The following ARHGAP10 variants were observed in gnomAD, a reference collection of about 807,000 sequenced individuals.
ARHGAP10 encodes rho GTPase-activating protein 10.
A neutral mutation model predicts 108.6 loss-of-function variants in ARHGAP10; 87 were observed. The observed-to-expected ratio is 0.80, with a 90% CI of 0.67 to 0.96. The LOEUF (loss-of-function observed/expected upper bound fraction) is 0.96. Among genes scored for constraint, ARHGAP10 ranks in the 40% least tolerant of loss-of-function variants. ARHGAP10 has a pLI of 0.00. For synonymous variants in ARHGAP10, 347 were observed against 341.1 expected (o/e 1.02, Z -0.19); for missense variants, 939 against 954.5 (o/e 0.98, Z 0.21).
chr4:147,814,448 G>T (rs1162054783), intron 1 of ARHGAP10, among the ~76,000 whole-genome samples: 2 of 152,166 alleles, frequency 1.3e-5, no homozygotes, highest in African/African-American at 4.8e-5. Context: ...GCAGAGGAGT[G>T]AACAAACTCA....
At chr4:147,819,118 A>T (rs1481237937) in intron 1 of ARHGAP10, among the ~76,000 whole-genome samples, 3 of 152,246 alleles carry the variant, frequency 2.0e-5, no homozygotes, top group African/African-American at 4.8e-5. Flanking sequence ...AACTAATGAA[A>T]TTAGGCATGA....
chr4:147,949,781 G>T (rs899612530), intron 15 of ARHGAP10, among the ~76,000 whole-genome samples: 1 of 152,140 alleles, frequency 6.6e-6, no homozygotes, highest in African/African-American at 2.4e-5. Context: ...TGACTGAGAT[G>T]ACTCAGTTAT....
rs151163533 is a variant in ARHGAP10 at position 147,843,448 on chromosome 4, G to A, written c.313-3703G>A. Among the ~76,000 whole-genome samples the A allele has an allele frequency of 1.2e-4, 18 of 149,838 alleles. 1 individual carries two copies. The highest frequency in any genetic ancestry group is 4.6e-4 in the African/African-American group (18 of 39,260). On this transcript the variant is annotated intron_variant, in intron 3 of 22. Transcript: ENST00000336498. ...CCAGCCCAGCCCTTTCTGCCACCTT[G>A]CCATGGATATTGCTGAGCTCTCATT...
At chr4:147,955,289 T>C in intron 15 of ARHGAP10, 27 bp from the exon 16 acceptor site, 1 of 1,582,094 alleles carries the variant, frequency 6.3e-7, no homozygotes, top group Non-Finnish European at 8.6e-7. Context: ...ATTTATTTGA[T>C]AATTCTGAGC....
intron 4 of ARHGAP10, among the ~76,000 whole-genome samples, chr4:147,852,604 T>C (rs888239830): frequency 1.3e-5 from 2 of 151,844 alleles, no homozygotes; most frequent in Non-Finnish European, 2.9e-5. Flanking sequence ...GGAAACTGAA[T>C]TGAAGCAAAG....
In ARHGAP10 at chr4:148,072,336, C is replaced by G. The variant is rs990667097; in HGVS notation, c.*255C>G. On this transcript the variant is annotated 3_prime_UTR_variant, in exon 23 of 23. Transcript: ENST00000336498. ...ACTTTTCATTTGTCAAGTATTGGGA[C>G]TTGTGATTTTTAATTATCCAGCATA... The G allele has an allele frequency of 2.4e-6, 1 of 414,604 alleles. No individual in the cohort carries two copies. The highest frequency in any genetic ancestry group is 4.2e-6 in the Non-Finnish European group (1 of 235,562). The allele number at this position is 414,604 out of a possible 1,614,324, so 25.7% of individuals were successfully genotyped here. A position where few individuals can be genotyped will look rare whatever the true frequency, so the allele number is the denominator to read the frequency against.
chr4:147,919,474 G>GACTGCTTTGT (rs1560826462), intron 13 of ARHGAP10, among the ~76,000 whole-genome samples: 1 of 152,200 alleles, frequency 6.6e-6, no homozygotes, highest in Non-Finnish European at 1.5e-5. Flanking sequence ...ACTAGGAAGT[G>GACTGCTTTGT]ACTGCTTTTT....
In ARHGAP10 at chr4:147,992,468, C is replaced by T. The variant is rs564140238; in HGVS notation, c.1716+25629C>T. Among the ~76,000 whole-genome samples the T allele has an allele frequency of 1.1e-3, 167 of 152,208 alleles. 1 individual carries two copies. Among genetic ancestry groups the T allele is most frequent in the African/African-American group, 3.8e-3 (158 of 41,536 alleles). Reference sequence around the variant, plus strand: ...TGTTGCCCAGCGTGGAGTGCAATGGCGCTATCTCCGCTTACTGCAACCTCC... The same window carrying T: ...TGTTGCCCAGCGTGGAGTGCAATGGTGCTATCTCCGCTTACTGCAACCTCC... On this transcript the variant is annotated intron_variant, in intron 18 of 22. Transcript: ENST00000336498.
intron 4 of ARHGAP10, among the ~76,000 whole-genome samples, chr4:147,847,857 T>C (rs1306343351): frequency 6.6e-6 from 1 of 152,250 alleles, no homozygotes; most frequent in Non-Finnish European, 1.5e-5. Context: ...GCCTGAGATA[T>C]ATTTAGCAAC....
At chr4:147,776,941 G>A (rs1016311473) in intron 1 of ARHGAP10, among the ~76,000 whole-genome samples, 1 of 152,192 alleles carries the variant, frequency 6.6e-6, no homozygotes, top group African/African-American at 2.4e-5. Context: ...ACGAGAGAGC[G>A]TGTCTTTCCT....
intron 19 of ARHGAP10, among the ~76,000 whole-genome samples, chr4:148,043,754 GTA>G (rs1241274085): frequency 1.9e-4 from 25 of 131,838 alleles, no homozygotes; most frequent in Non-Finnish European, 3.2e-4. Context: ...ATGTATATAT[GTA>G]TATATATGTG....
intron 18 of ARHGAP10, among the ~76,000 whole-genome samples, chr4:147,981,513 A>G (rs1298903385): frequency 6.6e-6 from 1 of 152,238 alleles, no homozygotes; most frequent in African/African-American, 2.4e-5. Flanking sequence ...ACATGTGCAG[A>G]TGAGGAGAAT....
chr4:147,974,070 G>A (rs1264945382), intron 18 of ARHGAP10, among the ~76,000 whole-genome samples: 1 of 152,120 alleles, frequency 6.6e-6, no homozygotes, highest in Non-Finnish European at 1.5e-5. Context: ...TGGGATTGCT[G>A]GATCATATGG....
chr4:147,803,082 C>A (rs574456251), intron 1 of ARHGAP10, among the ~76,000 whole-genome samples: 1 of 151,828 alleles, frequency 6.6e-6, no homozygotes, highest in African/African-American at 2.4e-5. Context: ...GATCTTGGTA[C>A]ACTGCAACCT....
At chr4:147,849,457 C>T (rs1733772054) in intron 4 of ARHGAP10, among the ~76,000 whole-genome samples, 1 of 152,148 alleles carries the variant, frequency 6.6e-6, no homozygotes, top group Non-Finnish European at 1.5e-5. Context: ...ACATGGGATA[C>T]TTCAAAAAGA....
intron 18 of ARHGAP10, among the ~76,000 whole-genome samples, chr4:147,970,378 G>C (rs1187983807): frequency 6.6e-6 from 1 of 151,700 alleles, no homozygotes; most frequent in Non-Finnish European, 1.5e-5. Context: ...GACAGGAAAA[G>C]TTGAAAAGAG....
intron 8 of ARHGAP10, among the ~76,000 whole-genome samples, chr4:147,875,831 T>C (rs1235739275): frequency 6.6e-6 from 1 of 152,254 alleles, no homozygotes; most frequent in Non-Finnish European, 1.5e-5. Context: ...AAAAGACCTG[T>C]ATTTCTTTCA....
At chr4:147,992,175 G>A (rs1450030060) in intron 18 of ARHGAP10, among the ~76,000 whole-genome samples, 1 of 152,170 alleles carries the variant, frequency 6.6e-6, no homozygotes, top group African/African-American at 2.4e-5. Context: ...CTGGAGGGCA[G>A]AATCAGCTCT....
intron 1 of ARHGAP10, among the ~76,000 whole-genome samples, chr4:147,732,907 C>T (rs1369137851): frequency 1.3e-5 from 2 of 152,168 alleles, no homozygotes; most frequent in Non-Finnish European, 2.9e-5. Flanking sequence ...TCTTTGAAAC[C>T]CTGCGGGAGT....
Sources: gnomAD v4.1 joint callset for allele counts (sites outside exome capture counted in the v4.1 genomes callset) on GRCh38, gnomAD v4.1.1 for gene constraint, MANE v1.5 for transcripts, NCBI Gene and HGNC (gene_info 2026-07-23, HGNC 2026-07-21) for gene names.